Variants in POLDIP3 observed in about 807,000 individuals in gnomAD.
POLDIP3 encodes polymerase delta-interacting protein 3.
Under a neutral mutation model 45.1 loss-of-function variants are expected in POLDIP3, and 14 were observed. That is an observed-to-expected ratio of 0.31 (90% confidence interval 0.20 to 0.49). The LOEUF (loss-of-function observed/expected upper bound fraction) is 0.49, where lower values mean the gene tolerates loss of function less well. Among genes scored for constraint, POLDIP3 ranks in the 20% least tolerant of loss-of-function variants. The probability of loss-of-function intolerance (pLI) is 0.99; values close to 1 mark genes in which losing one functional copy is unlikely to be tolerated. For synonymous variants in POLDIP3, 223 were observed against 205.2 expected (o/e 1.09, Z -0.74); for missense variants, 511 against 538.8 (o/e 0.95, Z 0.51).
intron 1 of POLDIP3, among the ~76,000 whole-genome samples, chr22:42,608,261 C>A (rs1216325505): frequency 4.6e-5 from 6 of 131,418 alleles, no homozygotes; most frequent in South Asian, 2.6e-4. Context: ...TTACCCCCCC[C>A]CCCAAAAAAA....
chr22:42,590,770 C>T (rs1174117834), intron 7 of POLDIP3, among the ~76,000 whole-genome samples: 2 of 152,210 alleles, frequency 1.3e-5, no homozygotes, highest in Non-Finnish European at 2.9e-5. Flanking sequence ...AGATTCTGTA[C>T]AGGCATTTCT....
chr22:42,607,967 T>C (rs1926864784), intron 1 of POLDIP3, among the ~76,000 whole-genome samples: 1 of 144,316 alleles, frequency 6.9e-6, no homozygotes, highest in Admixed American at 7.0e-5. Context: ...CCAGCCGCCC[T>C]GTTCGGGAGG....
In POLDIP3 at chr22:42,585,706, C is replaced by T. The variant is rs1601878348; in HGVS notation, c.*85G>A. The T allele has an allele frequency of 4.1e-6, 6 of 1,463,940 alleles. No individual in the cohort carries two copies. The South Asian group carries it at 6.7e-5, about 16-fold the overall frequency. 90.7% of individuals were successfully genotyped at this position (1,463,940 alleles called of 1,614,324 possible). The stretch of plus-strand genomic sequence containing the variant: ...TTCCCACAATCAGGGGTCTCCAGTC[C>T]GATGGCCCATTGGTCATAAGCTTTG... On this transcript the variant is annotated 3_prime_UTR_variant, in exon 9 of 9. Coordinates refer to ENST00000252115, the MANE Select transcript of POLDIP3 (RefSeq NM_032311.5).
chr22:42,587,182 T>C (rs1925363595), intron 8 of POLDIP3, among the ~76,000 whole-genome samples: 1 of 152,198 alleles, frequency 6.6e-6, no homozygotes, highest in Non-Finnish European at 1.5e-5. Context: ...GAGCCAATCA[T>C]GCAGTGGAGT....
At chr22:42,598,844 ACT>A (rs1926166065) in intron 4 of POLDIP3, among the ~76,000 whole-genome samples, 1 of 152,182 alleles carries the variant, frequency 6.6e-6, no homozygotes, top group Admixed American at 6.5e-5. Context: ...TGGCTGTACC[ACT>A]GAGCTGAGCA....
chr22:42,608,124 G>A lies in POLDIP3; in HGVS notation c.60-4964C>T, dbSNP rs546826026. Among the ~76,000 whole-genome samples, 12 of 152,364 alleles carry A rather than the reference G, an allele frequency of 7.9e-5. No individual in the cohort carries two copies. In the East Asian group the frequency reaches 1.5e-3, roughly 20 times the overall value. Reference sequence around the variant, plus strand: ...GCGGTTTTGTCGAATAGAAAAGGGGGAAATGTGGGGAAAAGAGAGATCAGA... The same window carrying A: ...GCGGTTTTGTCGAATAGAAAAGGGGAAAATGTGGGGAAAAGAGAGATCAGA... On this transcript the variant is annotated intron_variant, in intron 1 of 8. Transcript: ENST00000252115.
rs995236293 is a variant in POLDIP3, at chr22:42,584,210, G to A, written c.*1581C>T. 6 of 152,780 alleles carry A rather than the reference G, an allele frequency of 3.9e-5. No individual in the cohort carries two copies. Among genetic ancestry groups the A allele is most frequent in the Non-Finnish European group, 5.9e-5 (4 of 68,188 alleles). The allele number at this position is 152,780 out of a possible 1,614,324, so 9.5% of individuals were successfully genotyped here. On this transcript the variant is annotated 3_prime_UTR_variant, in exon 9 of 9. Transcript: ENST00000252115. ...GGAGGAATGTCTTCCAGCTGCTAAC[G>A]AGAAGTCTGCACCCACTTGAAAGGG...
intron 4 of POLDIP3, among the ~76,000 whole-genome samples, chr22:42,599,337 C>T (rs922707202): frequency 9.2e-5 from 14 of 152,276 alleles, no homozygotes; most frequent in African/African-American, 3.4e-4. Context: ...GGCGCAGTGG[C>T]TTACGCCTGT....
At chr22:42,607,102 A>C (rs920515062) in intron 1 of POLDIP3, among the ~76,000 whole-genome samples, 1 of 152,176 alleles carries the variant, frequency 6.6e-6, no homozygotes, top group East Asian at 1.9e-4. Flanking sequence ...CTGTCTCTAC[A>C]AAAGATACAA....
intron 5 of POLDIP3, 26 bp from the exon 6 acceptor site, chr22:42,595,640 A>T: frequency 6.2e-7 from 1 of 1,605,642 alleles, no homozygotes; most frequent in Non-Finnish European, 8.5e-7. Flanking sequence ...GAGCATTACC[A>T]GAAGCCAGAT....
At chr22:42,608,444 C>CA (rs891074295) in intron 1 of POLDIP3, among the ~76,000 whole-genome samples, 168 of 149,880 alleles carry the variant, frequency 1.1e-3, no homozygotes, top group African/African-American at 3.8e-3. Context: ...CAAAACAAAA[C>CA]AAAAAAAAAC....
intron 1 of POLDIP3, among the ~76,000 whole-genome samples, chr22:42,608,605 C>A (rs1200538455): frequency 6.6e-6 from 1 of 152,094 alleles, no homozygotes; most frequent in Non-Finnish European, 1.5e-5. Flanking sequence ...GGACTCCGGT[C>A]ATGCCCAGGG....
chr22:42,608,497 T>C (rs1050499287), intron 1 of POLDIP3, among the ~76,000 whole-genome samples: 2 of 152,132 alleles, frequency 1.3e-5, no homozygotes, highest in East Asian at 1.9e-4. Context: ...CTTATCATTA[T>C]TGTCTGGTAT....
chr22:42,585,738 G>A lies in POLDIP3; in HGVS notation c.*53C>T. On this transcript the variant is annotated 3_prime_UTR_variant, in exon 9 of 9. Coordinates refer to ENST00000252115, the MANE Select transcript of POLDIP3 (RefSeq NM_032311.5). ...CCATTGGTCATAAGCTTTGCCTTGG[G>A]GAAACAGAGCCACCCTCCTCTGCCC... The A allele has an allele frequency of 3.2e-6, 5 of 1,564,070 alleles. No individual in the cohort carries two copies. Among genetic ancestry groups the A allele is most frequent in the Non-Finnish European group, 4.3e-6 (5 of 1,152,720 alleles).
At chr22:42,614,297 C>T (rs1927321220) in intron 1 of POLDIP3, among the ~76,000 whole-genome samples, 1 of 152,256 alleles carries the variant, frequency 6.6e-6, no homozygotes, top group Non-Finnish European at 1.5e-5. Context: ...AAACGCCGCA[C>T]AAAGAGAGGC....
At chr22:42,595,467 G>A (rs1925926862) in intron 6 of POLDIP3, 70 bp downstream of exon 6, 3 of 1,379,066 alleles carry the variant, frequency 2.2e-6, no homozygotes, top group Admixed American at 1.7e-5. Flanking sequence ...AAACCTGAGG[G>A]TGGGTCTTAA....
intron 1 of POLDIP3, among the ~76,000 whole-genome samples, chr22:42,607,865 C>A (rs1336321569): frequency 6.8e-6 from 1 of 147,330 alleles, no homozygotes; most frequent in Non-Finnish European, 1.5e-5. Context: ...GGAGCCCCTC[C>A]GCCCAGCAGC....
intron 7 of POLDIP3, among the ~76,000 whole-genome samples, chr22:42,590,574 G>C (rs941123770): frequency 6.6e-6 from 1 of 152,180 alleles, no homozygotes; most frequent in South Asian, 2.1e-4. Flanking sequence ...GTATTATAAT[G>C]TTATGGGCCC....
At chr22:42,602,629 A>C (rs990378071) in intron 2 of POLDIP3, 141 bp downstream of exon 2, 84 of 926,282 alleles carry the variant, frequency 9.1e-5, no homozygotes, top group Admixed American at 3.9e-4. Flanking sequence ...AACGTACTTA[A>C]AGCCTCTGTA....
Sources: allele counts gnomAD v4.1 joint callset (sites outside exome capture counted in the v4.1 genomes callset), GRCh38; gene constraint gnomAD v4.1.1; transcripts MANE v1.5; gene names NCBI Gene and HGNC (gene_info 2026-07-23, HGNC 2026-07-21).